Variants in FGD3 observed in about 807,000 individuals in gnomAD.
FGD3 encodes the protein FYVE, RhoGEF and PH domain-containing protein 3.
Under a neutral mutation model 71.8 loss-of-function variants are expected in FGD3, and 45 were observed. That is an observed-to-expected ratio of 0.63 (90% CI 0.49 to 0.80). FGD3 has a LOEUF of 0.80. Among genes scored for constraint, FGD3 ranks in the 30% least tolerant of loss-of-function variants. The probability of loss-of-function intolerance (pLI) is 0.00; values close to 1 mark genes in which losing one functional copy is unlikely to be tolerated. For missense variants in FGD3, 844 were observed against 951.5 expected (o/e 0.89, Z 1.49); for synonymous variants, 378 against 392.8 (o/e 0.96, Z 0.44).
At chr9:93,008,962 CAAA>C (rs34328093) in intron 6 of FGD3, among the ~76,000 whole-genome samples, 1 of 137,860 alleles carries the variant, frequency 7.3e-6, no homozygotes. Context: ...AAGACTCCAT[CAAA>C]AAAAAAAAAA....
intron 8 of FGD3, among the ~76,000 whole-genome samples, chr9:93,013,373 C>T (rs1170307072): frequency 6.6e-6 from 1 of 152,182 alleles, no homozygotes; most frequent in Admixed American, 6.5e-5. Flanking sequence ...GCGTCTGGCT[C>T]AGAGCTGAAG....
At chr9:93,017,837 G>GC (rs1564166043) in intron 10 of FGD3, among the ~76,000 whole-genome samples, 1 of 152,102 alleles carries the variant, frequency 6.6e-6, no homozygotes, top group East Asian at 1.9e-4. Context: ...GCGACATGGG[G>GC]AGGATGCCTG....
At chr9:92,974,665 T>A (rs147583944) in intron 1 of FGD3, 1 of 152,358 alleles carries the variant, frequency 6.6e-6, no homozygotes, top group Non-Finnish European at 1.5e-5. Flanking sequence ...TGCCTGTCAC[T>A]GTGTGAAGCC....
chr9:92,960,848 CT>C (rs1259011990), intron 1 of FGD3, among the ~76,000 whole-genome samples: 11 of 152,078 alleles, frequency 7.2e-5, no homozygotes, highest in Non-Finnish European at 1.5e-4. Flanking sequence ...GGTGTTCCCC[CT>C]TGGCCTCTCT....
chr9:93,022,137 C>T (rs1347836017), intron 13 of FGD3, among the ~76,000 whole-genome samples, 190 bp from the exon 14 acceptor site: 1 of 152,218 alleles, frequency 6.6e-6, no homozygotes, highest in Admixed American at 6.5e-5. Context: ...GAGAGGCCTC[C>T]AGCTCAGGCC....
chr9:93,029,198 C>T (rs927300531), intron 14 of FGD3, among the ~76,000 whole-genome samples: 6 of 151,570 alleles, frequency 4.0e-5, no homozygotes, highest in Non-Finnish European at 5.9e-5. Context: ...CTACCATGCC[C>T]GGCTATTTTT....
chr9:92,978,640 T>G (rs1382652950), intron 3 of FGD3, among the ~76,000 whole-genome samples: 1 of 149,502 alleles, frequency 6.7e-6, no homozygotes, highest in East Asian at 2.0e-4. Context: ...AAGGTGAACA[T>G]GAATTGCATG....
intron 14 of FGD3, among the ~76,000 whole-genome samples, chr9:93,025,867 C>T (rs1317856443): frequency 6.6e-6 from 1 of 152,246 alleles, no homozygotes; most frequent in Non-Finnish European, 1.5e-5. Flanking sequence ...GGCCTCTTCT[C>T]AGGCACTGCC....
At chr9:92,950,622 T>A (rs1326925178) in intron 1 of FGD3, among the ~76,000 whole-genome samples, 3 of 152,076 alleles carry the variant, frequency 2.0e-5, no homozygotes, top group Admixed American at 2.0e-4. Flanking sequence ...GGTCCCTGAC[T>A]GATGGTGGGG....
chr9:92,984,692 A>G (rs1437800200), intron 3 of FGD3, among the ~76,000 whole-genome samples: 5 of 152,210 alleles, frequency 3.3e-5, no homozygotes, highest in Non-Finnish European at 7.3e-5. Flanking sequence ...GCAAACACCC[A>G]TCTAGGAAAG....
At position 93,015,782 on chromosome 9, in the gene FGD3, G is replaced by A; in HGVS notation, c.1228G>A (p.Gly410Ser). 6.2e-7 allele frequency: 1 copy of A among 1,614,132 alleles called. No homozygotes were observed. The highest frequency in any genetic ancestry group is 8.5e-7 in the Non-Finnish European group (1 of 1,180,038). The change falls in exon 10 of 18, where the codon GGC (glycine) becomes AGC (serine). Residue 410 changes from glycine (G) to serine (S), a missense_variant. Transcript: ENST00000375482. ...LYCVPKLRLM[G>S]QKFSVREKMD... Reference sequence around the variant, plus strand: ...CTGTGTGCCCAAGCTGCGGCTCATGGGCCAGAAGTTCAGCGTCCGGGAGAA... The same window carrying A: ...CTGTGTGCCCAAGCTGCGGCTCATGAGCCAGAAGTTCAGCGTCCGGGAGAA...
At chr9:92,978,121 A>G (rs1251976200) in intron 3 of FGD3, among the ~76,000 whole-genome samples, 1 of 152,090 alleles carries the variant, frequency 6.6e-6, no homozygotes, top group Non-Finnish European at 1.5e-5. Flanking sequence ...TGTCTCTACT[A>G]AAAATACAAA....
At chr9:93,019,546 A>G (rs771001023) in intron 11 of FGD3, among the ~76,000 whole-genome samples, 1 of 152,210 alleles carries the variant, frequency 6.6e-6, no homozygotes, top group Non-Finnish European at 1.5e-5. Flanking sequence ...CTAGCCATAC[A>G]TGGGAGTTCT....
chr9:92,954,543 G>C (rs938235372), intron 1 of FGD3, among the ~76,000 whole-genome samples: 1 of 152,180 alleles, frequency 6.6e-6, no homozygotes, highest in Non-Finnish European at 1.5e-5. Flanking sequence ...AAGGGCAGGG[G>C]CCGGGGTCAC....
At chr9:92,978,015 G>T (rs2118582670) in intron 3 of FGD3, among the ~76,000 whole-genome samples, 2 of 152,298 alleles carry the variant, frequency 1.3e-5, no homozygotes, top group Middle Eastern at 3.4e-3. Context: ...GGGCGCGGTG[G>T]CTCACGCCTA....
intron 1 of FGD3, among the ~76,000 whole-genome samples, chr9:92,949,483 C>T (rs1858914274): frequency 6.6e-6 from 1 of 152,160 alleles, no homozygotes; most frequent in African/African-American, 2.4e-5. Flanking sequence ...GTGTCCCTTC[C>T]CAAGCTCATG....
Position 93,034,660 on chromosome 9 carries a change from G to A in FGD3, c.1905G>A (p.Leu635=), listed in dbSNP as rs762800732. 144 of 1,613,118 alleles carry A rather than the reference G, an allele frequency of 8.9e-5. No homozygotes were observed. In the East Asian group the frequency reaches 3.1e-3, roughly 35 times the overall value. ...AAIPMSDPQV[L]HLQGGSQDGR... ...TCCCCATGTCAGATCCCCAGGTGCTGCACCTGCAGGGAGGCAGCCAGGTAC... is the reference window on the plus strand; with the variant it reads ...TCCCCATGTCAGATCCCCAGGTGCTACACCTGCAGGGAGGCAGCCAGGTAC... The change falls in exon 17 of 18, where the codon CTG becomes CTA. Residue 635 remains leucine (L), a synonymous_variant. Coordinates refer to ENST00000375482, the MANE Select transcript of FGD3 (RefSeq NM_001083536.2).
At chr9:93,018,291 T>C (rs1241861729) in intron 11 of FGD3, 76 bp downstream of exon 11, 9 of 1,315,528 alleles carry the variant, frequency 6.8e-6, no homozygotes, top group African/African-American at 3.0e-5. Flanking sequence ...CCTTGTAATA[T>C]ATTTTTATTT....
intron 1 of FGD3, among the ~76,000 whole-genome samples, chr9:92,974,906 A>G (rs995702766): frequency 6.6e-6 from 1 of 152,172 alleles, no homozygotes; most frequent in East Asian, 1.9e-4. Context: ...CAGTGCCTGC[A>G]TGTTCAAGAT....
Sources: allele counts gnomAD v4.1 joint callset (sites outside exome capture counted in the v4.1 genomes callset), GRCh38; gene constraint gnomAD v4.1.1; transcripts MANE v1.5; gene names NCBI Gene and HGNC (gene_info 2026-07-23, HGNC 2026-07-21).